Variants in MTF2 observed in about 807,000 individuals in gnomAD.
The protein encoded by MTF2 is metal response element binding transcription factor 2.
MTF2 carries 11 observed loss-of-function variants against 79.5 expected under a neutral mutation model. The ratio of observed to expected loss-of-function variants is 0.14; its 90% confidence interval spans 0.09 to 0.23. MTF2 has a LOEUF of 0.23. Among genes scored for constraint, MTF2 ranks in the 10% least tolerant of loss-of-function variants. The pLI, the probability that MTF2 is intolerant of heterozygous loss-of-function variation, is 1.00. For synonymous variants in MTF2, 208 were observed against 232.8 expected (o/e 0.89, Z 0.97); for missense variants, 486 against 711.2 (o/e 0.68, Z 3.60).
intron 9 of MTF2, among the ~76,000 whole-genome samples, chr1:93,122,561 G>T (rs1234758081): frequency 6.6e-6 from 1 of 152,074 alleles, no homozygotes; most frequent in Non-Finnish European, 1.5e-5. Context: ...ATTTGCTTCA[G>T]TAATAATACA....
chr1:93,126,242 G>A (rs947878862), intron 9 of MTF2, among the ~76,000 whole-genome samples: 32 of 151,982 alleles, frequency 2.1e-4, no homozygotes, highest in African/African-American at 7.5e-4. Flanking sequence ...CTTGAGTTCA[G>A]GTTCTAGCTC....
At chr1:93,135,105 G>A (rs986951238) in intron 14 of MTF2, among the ~76,000 whole-genome samples, 13 of 152,074 alleles carry the variant, frequency 8.5e-5, no homozygotes, top group African/African-American at 3.1e-4. Flanking sequence ...ATGTAGCTGG[G>A]ATTTACAGGC....
chr1:93,116,004 A>T (rs1320183552), intron 6 of MTF2, among the ~76,000 whole-genome samples: 1 of 152,198 alleles, frequency 6.6e-6, no homozygotes, highest in Non-Finnish European at 1.5e-5. Context: ...GTAAAAGACA[A>T]GTTTTTTAAG....
chr1:93,079,589 G>GAGGAAGA lies in MTF2; in HGVS notation c.5+60_5+66dup, dbSNP rs1654509417. On this transcript the variant is annotated intron_variant, in intron 1 of 14. Coordinates refer to ENST00000370298, the MANE Select transcript of MTF2 (RefSeq NM_007358.4). ...CGGAGGAGATGGGGGTTGGGGGAAG[G>GAGGAAGA]AGGAAGAAAGGAAGCAAGTATAAAA... 2.5e-6 allele frequency: 4 copies of GAGGAAGA among 1,601,748 alleles called. No homozygotes were observed. In the East Asian group the frequency reaches 8.9e-5, roughly 36 times the overall value.
chr1:93,110,511 A>C (rs902479968), intron 2 of MTF2, 34 bp from the exon 3 acceptor site: 1 of 1,603,216 alleles, frequency 6.2e-7, no homozygotes, highest in South Asian at 1.1e-5. Context: ...TTTAATTTTA[A>C]GAGATCACCG....
chr1:93,115,563 G>T lies in MTF2; in HGVS notation c.577G>T (p.Ala193Ser). Reference sequence around the variant, plus strand: ...TAGTGTGGCAGACCTTGAATGGGATGCAGGTCATAAAACCAATGTCCAGCA... The same window carrying T: ...TAGTGTGGCAGACCTTGAATGGGATTCAGGTCATAAAACCAATGTCCAGCA... ...PYSVADLEWD[A>S]GHKTNVQQCY... Residue 193 changes from alanine (A) to serine (S), a missense_variant, in exon 6 of 15, where the codon GCA (alanine) becomes TCA (serine). This residue lies in a region of MTF2 where 177 missense variants were observed against 364.0 expected (regional missense o/e 0.49). Transcript: ENST00000370298. 1 of 1,611,654 alleles carries T rather than the reference G, an allele frequency of 6.2e-7. No homozygotes were observed. The highest frequency in any genetic ancestry group is 1.1e-5 in the South Asian group (1 of 90,724).
At chr1:93,118,824 A>G (rs1003364432) in intron 7 of MTF2, among the ~76,000 whole-genome samples, 1 of 152,362 alleles carries the variant, frequency 6.6e-6, no homozygotes, top group East Asian at 1.9e-4. Context: ...TACTTTCTAT[A>G]TTAGAAGAAT....
intron 9 of MTF2, 132 bp downstream of exon 9, chr1:93,120,804 C>T (rs1656442696): frequency 6.9e-7 from 1 of 1,443,270 alleles, no homozygotes; most frequent in Non-Finnish European, 9.0e-7. Flanking sequence ...GTTCTGGGGA[C>T]AAATAAGTTT....
chr1:93,093,009 T>G (rs1269348482), intron 1 of MTF2, among the ~76,000 whole-genome samples: 1 of 151,964 alleles, frequency 6.6e-6, no homozygotes, highest in African/African-American at 2.4e-5. Context: ...GGTGAAATCC[T>G]GTCTCTACTA....
At chr1:93,093,910 A>G (rs1221694529) in intron 1 of MTF2, among the ~76,000 whole-genome samples, 1 of 152,022 alleles carries the variant, frequency 6.6e-6, no homozygotes, top group Non-Finnish European at 1.5e-5. Context: ...TGATAATTTG[A>G]CTGGTTATAA....
chr1:93,123,262 C>CTTTTTT (rs1320415321), intron 9 of MTF2, among the ~76,000 whole-genome samples: 1 of 69,028 alleles, frequency 1.4e-5, no homozygotes, highest in Admixed American at 1.5e-4. Flanking sequence ...CTCTCTCTCT[C>CTTTTTT]TTTTTTTTTT....
chr1:93,115,109 G>A (rs376812290), intron 5 of MTF2, 21 bp downstream of exon 5: 21 of 1,518,456 alleles, frequency 1.4e-5, no homozygotes, highest in African/African-American at 2.7e-5. Flanking sequence ...AGTGTTTTGG[G>A]CTAAAGCTCT....
intron 1 of MTF2, 129 bp from the exon 2 acceptor site, chr1:93,110,101 G>T (rs1395088745): frequency 8.5e-6 from 7 of 825,444 alleles, no homozygotes; most frequent in Non-Finnish European, 1.3e-5. Context: ...ATGATTTGAG[G>T]TACTTTTTAT....
In MTF2 at chr1:93,112,724, T is replaced by C. The variant is rs562057182; in HGVS notation, c.287-1964T>C. Among the ~76,000 whole-genome samples, 5 of 152,258 alleles carry C rather than the reference T, an allele frequency of 3.3e-5. No individual in the cohort carries two copies. In the East Asian group the frequency reaches 5.8e-4, roughly 18 times the overall value. On this transcript the variant is annotated intron_variant, in intron 3 of 14. Coordinates refer to ENST00000370298, the MANE Select transcript of MTF2 (RefSeq NM_007358.4). ...AGATGAAATGGCCAAGGCTTTCTAG[T>C]CAATTGGATTTAGAGTAAAGGAGAC...
chr1:93,094,247 C>T (rs1307370335), intron 1 of MTF2, among the ~76,000 whole-genome samples: 1 of 152,102 alleles, frequency 6.6e-6, no homozygotes, highest in Non-Finnish European at 1.5e-5. Context: ...TTTTCTTAAT[C>T]TGTTTTCTCT....
At chr1:93,096,010 C>T (rs1271104993) in intron 1 of MTF2, among the ~76,000 whole-genome samples, 1 of 152,176 alleles carries the variant, frequency 6.6e-6, no homozygotes, top group Non-Finnish European at 1.5e-5. Flanking sequence ...CTTGTGTCAA[C>T]AGTTCTTTAG....
chr1:93,100,336 A>T (rs1439685287), intron 1 of MTF2, among the ~76,000 whole-genome samples: 1 of 151,840 alleles, frequency 6.6e-6, no homozygotes, highest in African/African-American at 2.4e-5. Flanking sequence ...ACAGAGTCTC[A>T]CTCTGTCGCC....
chr1:93,105,381 C>T (rs868472166), intron 1 of MTF2, among the ~76,000 whole-genome samples: 1 of 152,100 alleles, frequency 6.6e-6, no homozygotes, highest in South Asian at 2.1e-4. Flanking sequence ...AAGATCCTTG[C>T]AAGTTTTTAA....
At position 93,138,154 on chromosome 1, in the gene MTF2, A is replaced by G. The variant is rs906730004; in HGVS notation, c.*1127A>G. ...CAGCTGAGGCTACTGCTGTTTTATTACAACATTACCTCTTGTTTTTATAAA... is the reference window on the plus strand; with the variant it reads ...CAGCTGAGGCTACTGCTGTTTTATTGCAACATTACCTCTTGTTTTTATAAA... On this transcript the variant is annotated 3_prime_UTR_variant, in exon 15 of 15. Coordinates refer to ENST00000370298, the MANE Select transcript of MTF2 (RefSeq NM_007358.4). 5.9e-5 allele frequency: 9 copies of G among 152,216 alleles called. No individual in the cohort carries two copies. The highest frequency in any genetic ancestry group is 6.5e-5 in the Admixed American group (1 of 15,284). The allele number at this position is 152,216 out of a possible 1,614,324, so 9.4% of individuals were successfully genotyped here.
Sources: gnomAD v4.1 joint callset for allele counts (sites outside exome capture counted in the v4.1 genomes callset) on GRCh38, gnomAD v4.1.1 for gene constraint, gnomAD v4.1.1 regional missense constraint, MANE v1.5 for transcripts, NCBI Gene and HGNC (gene_info 2026-07-23, HGNC 2026-07-21) for gene names.